ZSCAN4: variants seen among roughly 807,000 people sequenced by gnomAD.
The protein encoded by ZSCAN4 is zinc finger and SCAN domain-containing protein 4.
A neutral mutation model predicts 18.3 loss-of-function variants in ZSCAN4; 18 were observed. The ratio of observed to expected loss-of-function variants is 0.98; its 90% CI spans 0.68 to 1.46. The LOEUF is 1.46. ZSCAN4 is among the 40% of genes most tolerant of loss of function. The pLI is 0.00. For synonymous variants in ZSCAN4, 193 were observed against 180.3 expected, an observed-to-expected ratio of 1.07 and a Z score of -0.57; for missense variants, 498 against 511.4, an observed-to-expected ratio of 0.97 and a Z score of 0.25.
chr19:57,675,958 C>T, intron 2 of ZSCAN4, 83 bp from the exon 3 acceptor site: 1 of 555,198 alleles, frequency 1.8e-6, no homozygotes, highest in Admixed American at 3.3e-5. Context: ...ATCCATAGAG[C>T]CATGTAGGCC....
At chr19:57,666,975 A>G (rs1373281976), upstream of ZSCAN4, among the ~76,000 whole-genome samples, 1 of 152,112 alleles carries the variant, frequency 6.6e-6, no homozygotes, top group Non-Finnish European at 1.5e-5. Context: ...CTTCTTGGAA[A>G]CAAAGGTTAT....
chr19:57,666,587 A>G (rs567131426), upstream of ZSCAN4, among the ~76,000 whole-genome samples: 1,266 of 151,468 alleles, frequency 8.4e-3, 14 homozygotes, highest in African/African-American at 0.028. Flanking sequence ...AAAAAAAAAA[A>G]AAAGAAAAGA....
At chr19:57,663,823 C>A in the ZSCAN4 span, among the ~76,000 whole-genome samples, 1 of 151,072 alleles carries the variant, frequency 6.6e-6, no homozygotes, top group African/African-American at 2.4e-5. Flanking sequence ...TGTAATAAAA[C>A]GATTTTGAAA....
At chr19:57,658,833 C>CAAAA in the ZSCAN4 span, among the ~76,000 whole-genome samples, 9 of 68,574 alleles carry the variant, frequency 1.3e-4, no homozygotes, top group East Asian at 8.3e-4. Flanking sequence ...GACTGTGTCT[C>CAAAA]AAAAAAAAAA....
the ZSCAN4 span, among the ~76,000 whole-genome samples, chr19:57,663,496 C>G: frequency 0.19 from 22,156 of 118,682 alleles, 2,054 homozygotes; most frequent in East Asian, 0.28. Flanking sequence ...GGCCAGTCTG[C>G]ACAACGTGGT....
exon 4 of ZSCAN4, chr19:57,678,005 C>A: frequency 6.2e-7 from 1 of 1,601,946 alleles, no homozygotes; most frequent in South Asian, 1.1e-5. Context: ...CAAGTGAATG[C>A]CCAAACCACA....
chr19:57,664,748 TAAAC>T, upstream of ZSCAN4: 1 of 221,410 alleles, frequency 4.5e-6, no homozygotes, highest in Non-Finnish European at 9.7e-6. Context: ...CTTTCCTTCT[TAAAC>T]AGATGGAATC....
chr19:57,672,614 T>G (rs1984055769), intron 2 of ZSCAN4, among the ~76,000 whole-genome samples: 1 of 151,864 alleles, frequency 6.6e-6, no homozygotes, highest in African/African-American at 2.4e-5. Flanking sequence ...CTTTTTTTTT[T>G]TTTTTTGAGA....
At chr19:57,670,885 A>G (rs1177088476) in intron 2 of ZSCAN4, among the ~76,000 whole-genome samples, 1 of 144,386 alleles carries the variant, frequency 6.9e-6, no homozygotes, top group Non-Finnish European at 1.5e-5. Context: ...TTTTTTCGAG[A>G]CAAGATCTCT....
chr19:57,678,304 G>A, exon 5 of ZSCAN4: 1 of 1,614,110 alleles, frequency 6.2e-7, no homozygotes, highest in South Asian at 1.1e-5. Context: ...GAAGAGGGAG[G>A]TGTTTCTTCT....
exon 5 of ZSCAN4, chr19:57,678,680 G>T (rs139172552): frequency 6.2e-7 from 1 of 1,614,146 alleles, no homozygotes; most frequent in Non-Finnish European, 8.5e-7. Flanking sequence ...GGGTGCATCA[G>T]ATAATTCACA....
At chr19:57,653,906 C>T in the ZSCAN4 span, among the ~76,000 whole-genome samples, 2 of 152,182 alleles carry the variant, frequency 1.3e-5, no homozygotes, top group Non-Finnish European at 1.5e-5. Context: ...CCACCTCTAA[C>T]TCAAACAGGT....
the ZSCAN4 span, among the ~76,000 whole-genome samples, chr19:57,661,779 G>A: frequency 1.8e-4 from 27 of 152,070 alleles, no homozygotes; most frequent in African/African-American, 6.3e-4. Context: ...AAGTGTTTTA[G>A]CTTACTTTAA....
chr19:57,675,450 T>C (rs1189687385), intron 2 of ZSCAN4, among the ~76,000 whole-genome samples: 1 of 151,732 alleles, frequency 6.6e-6, no homozygotes, highest in Non-Finnish European at 1.5e-5. Flanking sequence ...ACCCGGCAAG[T>C]TTTGTATTTT....
At chr19:57,678,071 C>T (rs770759205) in exon 4 of ZSCAN4, 2 of 1,581,264 alleles carry the variant, frequency 1.3e-6, no homozygotes. Flanking sequence ...TCCTTAGAAA[C>T]AGGACAAGGT....
chr19:57,663,273 A>G, the ZSCAN4 span, among the ~76,000 whole-genome samples: 3 of 151,942 alleles, frequency 2.0e-5, no homozygotes, highest in Admixed American at 6.6e-5. Context: ...AATCACTTCT[A>G]TATTTCAACT....
chr19:57,661,386 C>T, the ZSCAN4 span, among the ~76,000 whole-genome samples: 4 of 152,114 alleles, frequency 2.6e-5, no homozygotes, highest in Non-Finnish European at 5.9e-5. Context: ...TAAATTCTTT[C>T]TCCATATTCC....
chr19:57,673,480 A>T (rs1025841282), intron 2 of ZSCAN4, among the ~76,000 whole-genome samples: 5 of 152,098 alleles, frequency 3.3e-5, no homozygotes, highest in Admixed American at 6.5e-5. Flanking sequence ...GAAAATTTTT[A>T]AAAAATTAGC....
chr19:57,659,644 T>C, the ZSCAN4 span, among the ~76,000 whole-genome samples: 9 of 152,336 alleles, frequency 5.9e-5, no homozygotes, highest in Non-Finnish European at 8.8e-5. Flanking sequence ...TTCTGTCTAA[T>C]TCATTCACTG....
Sources: allele counts gnomAD v4.1 joint callset (sites outside exome capture counted in the v4.1 genomes callset), GRCh38; gene constraint gnomAD v4.1.1; transcripts MANE v1.5; gene names NCBI Gene and HGNC (gene_info 2026-07-23, HGNC 2026-07-21).